FGGY: variants seen among roughly 807,000 people sequenced by gnomAD.
FGGY encodes the protein FGGY carbohydrate kinase domain containing, also known as FGGY carbohydrate kinase domain-containing protein.
In FGGY, 72 loss-of-function variants were observed where a neutral mutation model predicts 71.3. That is an observed-to-expected ratio of 1.01 (90% CI 0.84 to 1.23). The LOEUF is 1.23. Ranked by LOEUF, FGGY falls within the 50% of genes most tolerant of loss-of-function variation. The pLI, the probability that FGGY is intolerant of heterozygous loss-of-function variation, is 0.00. For missense variants in FGGY, 668 were observed against 682.3 expected, an observed-to-expected ratio of 0.98 and a Z score of 0.23; for synonymous variants, 251 against 250.3, an observed-to-expected ratio of 1.00 and a Z score of -0.02.
intron 14 of FGGY, among the ~76,000 whole-genome samples, chr1:59,698,454 C>T (rs567318576): frequency 1.1e-4 from 16 of 152,266 alleles, no homozygotes; most frequent in African/African-American, 3.6e-4. Context: ...CCCCACACCC[C>T]CATTACCAAA....
chr1:59,381,628 CGTGTGTGTGTGT>C (rs113981398), intron 5 of FGGY, among the ~76,000 whole-genome samples: 8,115 of 143,276 alleles, frequency 0.057, 280 homozygotes, highest in Non-Finnish European at 0.066. Context: ...ATGTATAACT[CGTGTGTGTGTGT>C]GTGTGTGTGT....
At chr1:59,541,482 C>T (rs1162480656) in intron 7 of FGGY, among the ~76,000 whole-genome samples, 2 of 152,056 alleles carry the variant, frequency 1.3e-5, no homozygotes, top group Non-Finnish European at 2.9e-5. Context: ...CTTGTCTGGC[C>T]TAGTTACTGC....
At chr1:59,413,960 C>CA (rs1007509004) in intron 5 of FGGY, among the ~76,000 whole-genome samples, 1 of 152,062 alleles carries the variant, frequency 6.6e-6, no homozygotes, top group Admixed American at 6.5e-5. Flanking sequence ...GATTTCATCT[C>CA]AAAAAAACCC....
At chr1:59,351,136 C>T (rs2053199013) in intron 4 of FGGY, among the ~76,000 whole-genome samples, 1 of 152,206 alleles carries the variant, frequency 6.6e-6, no homozygotes, top group Non-Finnish European at 1.5e-5. Flanking sequence ...TTGATTGGAA[C>T]ACAGCCACAC....
At chr1:59,407,429 C>T (rs529766786) in intron 5 of FGGY, among the ~76,000 whole-genome samples, 31 of 152,300 alleles carry the variant, frequency 2.0e-4, no homozygotes, top group African/African-American at 7.5e-4. Flanking sequence ...GATGTTGCAG[C>T]TCTGCAGGCA....
At chr1:59,495,682 T>C (rs1394737980) in intron 6 of FGGY, among the ~76,000 whole-genome samples, 1 of 152,150 alleles carries the variant, frequency 6.6e-6, no homozygotes, top group Non-Finnish European at 1.5e-5. Flanking sequence ...AGGGGTCCAG[T>C]TTCAATCTTC....
chr1:59,311,312 T>C (rs1014252419), intron 1 of FGGY, among the ~76,000 whole-genome samples: 9 of 151,980 alleles, frequency 5.9e-5, no homozygotes, highest in African/African-American at 2.2e-4. Context: ...GTGTAGAACC[T>C]GCAGGTTTGT....
intron 6 of FGGY, among the ~76,000 whole-genome samples, chr1:59,491,801 G>T (rs72666207): frequency 0.033 from 5,042 of 152,006 alleles, 105 homozygotes; most frequent in Middle Eastern, 0.054. Context: ...AGGAAATAGA[G>T]CCCAATAAGA....
intron 14 of FGGY, among the ~76,000 whole-genome samples, chr1:59,715,557 G>C (rs1233795304): frequency 6.6e-6 from 1 of 152,168 alleles, no homozygotes; most frequent in African/African-American, 2.4e-5. Context: ...GAAAACTACT[G>C]GTTTTAGAGT....
At chr1:59,374,880 G>T (rs1441567953) in intron 4 of FGGY, among the ~76,000 whole-genome samples, 5 of 134,122 alleles carry the variant, frequency 3.7e-5, no homozygotes, top group Non-Finnish European at 7.9e-5. Flanking sequence ...GTCACAGGAA[G>T]GGGAACATCA....
intron 14 of FGGY, among the ~76,000 whole-genome samples, chr1:59,679,810 A>G (rs1361412957): frequency 6.6e-6 from 1 of 152,048 alleles, no homozygotes; most frequent in Non-Finnish European, 1.5e-5. Flanking sequence ...AGGCTGCATA[A>G]TTTTCTACCT....
intron 7 of FGGY, among the ~76,000 whole-genome samples, chr1:59,522,319 C>G (rs2153649631): frequency 6.6e-6 from 1 of 152,282 alleles, no homozygotes; most frequent in East Asian, 1.9e-4. Context: ...TACGTTAGCC[C>G]ATACTTACAC....
intron 14 of FGGY, among the ~76,000 whole-genome samples, chr1:59,743,424 T>A (rs1377278292): frequency 1.3e-5 from 2 of 152,200 alleles, no homozygotes; most frequent in East Asian, 3.9e-4. Flanking sequence ...GCACAATGCC[T>A]TGCACACAAT....
chr1:59,703,329 G>C (rs1481825676), intron 14 of FGGY, among the ~76,000 whole-genome samples: 1 of 152,070 alleles, frequency 6.6e-6, no homozygotes, highest in African/African-American at 2.4e-5. Flanking sequence ...AGGCACTAAG[G>C]TTAAATCATT....
intron 4 of FGGY, among the ~76,000 whole-genome samples, chr1:59,346,947 CTTTTTTTTTTT>C (rs71580898): frequency 2.7e-5 from 3 of 112,192 alleles, no homozygotes; most frequent in African/African-American, 9.9e-5. Flanking sequence ...AAAATCAATT[CTTTTTTTTTTT>C]TTTTTTTTTT....
At chr1:59,535,508 C>A (rs2153672910) in intron 7 of FGGY, among the ~76,000 whole-genome samples, 1 of 152,262 alleles carries the variant, frequency 6.6e-6, no homozygotes, top group South Asian at 2.1e-4. Context: ...GAACTCTCCA[C>A]CCCAAATCAA....
intron 10 of FGGY, among the ~76,000 whole-genome samples, chr1:59,634,177 C>T (rs1430296579): frequency 6.6e-6 from 1 of 152,086 alleles, no homozygotes; most frequent in Non-Finnish European, 1.5e-5. Flanking sequence ...GAGGCTGAGA[C>T]GGGCGGATCA....
intron 14 of FGGY, chr1:59,697,790 C>A: frequency 2.1e-6 from 2 of 966,252 alleles, no homozygotes; most frequent in Non-Finnish European, 1.4e-6. Flanking sequence ...CCCTCCACAT[C>A]ACCCCCTATT....
chr1:59,298,312 C>T (rs2042268690), intron 1 of FGGY, among the ~76,000 whole-genome samples: 1 of 151,730 alleles, frequency 6.6e-6, no homozygotes, highest in African/African-American at 2.4e-5. Flanking sequence ...GCCCAGAGCA[C>T]TGTTATTAAG....
Sources: allele counts gnomAD v4.1 joint callset (sites outside exome capture counted in the v4.1 genomes callset), GRCh38; gene constraint gnomAD v4.1.1; transcripts MANE v1.5; gene names NCBI Gene and HGNC (gene_info 2026-07-23, HGNC 2026-07-21).